Variants in ZNFX1 observed in about 807,000 individuals in gnomAD.
The protein encoded by ZNFX1 is zinc finger NFX1-type containing 1, also known as NFX1-type zinc finger-containing protein 1.
ZNFX1 carries 78 observed loss-of-function variants against 179.8 expected under a neutral mutation model. That is an observed-to-expected ratio of 0.43 (90% confidence interval 0.36 to 0.52). The LOEUF is 0.52. Among genes scored for constraint, ZNFX1 ranks in the 20% least tolerant of loss-of-function variants. The pLI is 0.00. For missense variants in ZNFX1, 1,927 were observed against 2,386.6 expected, an observed-to-expected ratio of 0.81 and a Z score of 4.01; for synonymous variants, 848 against 868.5, an observed-to-expected ratio of 0.98 and a Z score of 0.42.
At chr20:49,271,976 A>G (rs1257577164) in intron 2 of ZNFX1, among the ~76,000 whole-genome samples, 1 of 152,208 alleles carries the variant, frequency 6.6e-6, no homozygotes, top group Non-Finnish European at 1.5e-5. Context: ...GGGAAAAGGA[A>G]TAAACAGTTA....
chr20:49,248,106 G>C lies in ZNFX1; in HGVS notation c.4918C>G (p.Leu1640Val). 6.2e-7 allele frequency: 1 copy of C among 1,614,158 alleles called. No individual in the cohort carries two copies. The highest frequency in any genetic ancestry group is 8.5e-7 in the Non-Finnish European group (1 of 1,180,036). ...LRYGTSIKQR[L>V]EEIEIIKEKI... is the part of the protein sequence containing the mutation. ...TCCTTGATGATTTCAATCTCTTCTAGCCGCTGTTTTATGCTAGTTCCATAC... is the reference window on the plus strand; with the variant it reads ...TCCTTGATGATTTCAATCTCTTCTACCCGCTGTTTTATGCTAGTTCCATAC... The change falls in exon 14 of 14, where the codon CTA becomes GTA. Residue 1640 changes from leucine to valine, a missense_variant. Leu to Val is a conservative substitution (Grantham distance 32). Transcript: ENST00000396105. This position sits in a 1 kb window ranked among gnomAD's most constrained non-coding sequence, Gnocchi z 4.6.
chr20:49,270,826 T>C lies in ZNFX1; in HGVS notation c.986A>G (p.His329Arg), dbSNP rs372073442. 3.8e-5 allele frequency: 62 copies of C among 1,614,058 alleles called. No homozygotes were observed. The highest frequency in any genetic ancestry group is 2.0e-5 in the Non-Finnish European group (24 of 1,180,024). Residue 329 changes from histidine to arginine, a missense_variant, in exon 3 of 14, where the codon CAT becomes CGT. His to Arg is a conservative substitution (Grantham distance 29, BLOSUM62 0). Transcript: ENST00000396105. The surrounding 1 kb of genome is among the most constrained non-coding windows in gnomAD (Gnocchi z 4.6). Reference protein sequence around the residue: ...YTLVQPEAEDHVESYRTMPIY... With the variant: ...YTLVQPEAEDRVESYRTMPIY... Reference sequence around the variant, plus strand: ...GGGCATGGTTCGGTAGCTCTCAACATGGTCTTCTGCCTCAGGCTGCACTAG... The same window carrying C: ...GGGCATGGTTCGGTAGCTCTCAACACGGTCTTCTGCCTCAGGCTGCACTAG...
At position 49,247,472 on chromosome 20, in the gene ZNFX1, T is replaced by C. The variant is rs1600982203; in HGVS notation, c.5552A>G (p.Asn1851Ser). The C allele has an allele frequency of 1.2e-6, 2 of 1,614,232 alleles. No homozygotes were observed. The highest frequency in any genetic ancestry group is 1.7e-6 in the Non-Finnish European group (2 of 1,180,032). The change falls in exon 14 of 14, where the codon AAT becomes AGT. Residue 1851 changes from asparagine (N) to serine (S), a missense_variant. Physicochemically the swap from Asn to Ser is conservative, Grantham distance 46. Coordinates refer to ENST00000396105, the MANE Select transcript of ZNFX1 (RefSeq NM_021035.3). ...YPRGHWFKCR[N>S]GHIYVIGDCG... ...ATCGCCAATCACATAGATATGGCCA[T>C]TGCGGCACTTGAACCAGTGACCACG...
rs776692138 is a variant in ZNFX1, at chr20:49,248,176, C to T, written c.4848G>A (p.Leu1616=). 3 of 1,614,190 alleles carry T rather than the reference C, an allele frequency of 1.9e-6. No homozygotes were observed. Among genetic ancestry groups the T allele is most frequent in the South Asian group, 2.2e-5 (2 of 91,084 alleles). Residue 1616 remains leucine (L), a synonymous_variant, in exon 14 of 14, where the codon TTG becomes TTA. Coordinates refer to ENST00000396105, the MANE Select transcript of ZNFX1 (RefSeq NM_021035.3). This position sits in a 1 kb window ranked among gnomAD's most constrained non-coding sequence, Gnocchi z 4.6. The stretch of plus-strand genomic sequence containing the variant: ...GCACCTGGCAGATAGGGCAGACTTT[C>T]AATCTGATGGCGACTTCATCATCCT... ...EQKDDEVAIR[L]KVCPICQVPI...
intron 3 of ZNFX1, among the ~76,000 whole-genome samples, chr20:49,269,729 T>C (rs1307127456): frequency 1.3e-5 from 2 of 151,686 alleles, no homozygotes; most frequent in Non-Finnish European, 1.5e-5. Context: ...ACTATGCTCA[T>C]TACCTGGATG....
intron 3 of ZNFX1, among the ~76,000 whole-genome samples, chr20:49,269,035 T>C (rs1981313327): frequency 6.6e-6 from 1 of 152,158 alleles, no homozygotes; most frequent in African/African-American, 2.4e-5. Flanking sequence ...TAAATCATTC[T>C]CCCATAAAGA....
chr20:49,277,451 T>G, intron 1 of ZNFX1, among the ~76,000 whole-genome samples: 1 of 130,412 alleles, frequency 7.7e-6, no homozygotes, highest in African/African-American at 3.0e-5. Flanking sequence ...GGTGCCGAGG[T>G]GCTCTGTAGA....
At position 49,270,319 on chromosome 20, in the gene ZNFX1, T is replaced by C. The variant is rs746349420; in HGVS notation, c.1493A>G (p.Gln498Arg). The change falls in exon 3 of 14, where the codon CAG becomes CGG. Residue 498 changes from glutamine to arginine, a missense_variant. Coordinates refer to ENST00000396105, the MANE Select transcript of ZNFX1 (RefSeq NM_021035.3). The surrounding 1 kb of genome is among the most constrained non-coding windows in gnomAD (Gnocchi z 4.6). ...TACCATGAGGAAAGAGTCAGAGGGC[T>C]GGACCTCTGCTAGCAGCTGTTGGCT... ...EQSQQLLAEV[Q>R]PSDSFLMVET... 3.1e-6 allele frequency: 5 copies of C among 1,614,030 alleles called. No homozygotes were observed. The Admixed American group carries it at 6.7e-5, about 22-fold the overall frequency.
chr20:49,272,006 T>C (rs549105959), intron 2 of ZNFX1, among the ~76,000 whole-genome samples: 9 of 152,310 alleles, frequency 5.9e-5, no homozygotes, highest in African/African-American at 2.2e-4. Flanking sequence ...TGATGTGTGT[T>C]AGAGAATAAA....
chr20:49,262,065 G>A (rs1485324990), intron 6 of ZNFX1, among the ~76,000 whole-genome samples: 1 of 151,466 alleles, frequency 6.6e-6, no homozygotes, highest in Non-Finnish European at 1.5e-5. Flanking sequence ...TTCAGAGGCT[G>A]TGAACTGGCA....
Position 49,248,989 on chromosome 20 carries a change from C to T in ZNFX1, c.4035G>A (p.Gln1345=). 6.2e-7 allele frequency: 1 copy of T among 1,614,232 alleles called. No individual in the cohort carries two copies. Among genetic ancestry groups the T allele is most frequent in the South Asian group, 1.1e-5 (1 of 91,080 alleles). Residue 1345 remains glutamine, a synonymous_variant, in exon 14 of 14, where the codon CAG becomes CAA. Transcript: ENST00000396105. This position sits in a 1 kb window ranked among gnomAD's most constrained non-coding sequence, Gnocchi z 4.6. ...LVCFQECQPC[Q]VKVPKTIPRC... is the part of the protein sequence containing the mutation. The stretch of plus-strand genomic sequence containing the variant: ...GAGGAATGGTTTTGGGCACCTTCAC[C>T]TGACAAGGCTGACACTCCTGGAAGC...
intron 6 of ZNFX1, among the ~76,000 whole-genome samples, chr20:49,262,317 A>C (rs1035991542): frequency 4.6e-5 from 7 of 151,642 alleles, no homozygotes; most frequent in African/African-American, 9.7e-5. Context: ...AAGGTAAGAG[A>C]ATCGCTTGAA....
chr20:49,251,106 C>G (rs1019744655), intron 13 of ZNFX1, among the ~76,000 whole-genome samples: 10 of 152,024 alleles, frequency 6.6e-5, no homozygotes, highest in Admixed American at 4.6e-4. Flanking sequence ...CAGTAACCAG[C>G]TTTTAAAAAG....
Position 49,247,492 on chromosome 20 carries a change from A to C in ZNFX1, c.5532T>G (p.Gly1844=), listed in dbSNP as rs749241492. 6.2e-7 allele frequency: 1 copy of C among 1,614,186 alleles called. No individual in the cohort carries two copies. Among genetic ancestry groups the C allele is most frequent in the Non-Finnish European group, 8.5e-7 (1 of 1,180,030 alleles). ...QIVSAIGYPR[G]HWFKCRNGHI... The stretch of plus-strand genomic sequence containing the variant: ...GGCCATTGCGGCACTTGAACCAGTG[A>C]CCACGAGGATAACCTATGGCACTGA... Residue 1844 remains glycine, a synonymous_variant, in exon 14 of 14, where the codon GGT becomes GGG. Coordinates refer to ENST00000396105, the MANE Select transcript of ZNFX1 (RefSeq NM_021035.3).
chr20:49,270,828 G>C lies in ZNFX1; in HGVS notation c.984C>G (p.Asp328Glu), dbSNP rs756262653. The C allele has an allele frequency of 1.2e-6, 2 of 1,614,126 alleles. No individual in the cohort carries two copies. Among genetic ancestry groups the C allele is most frequent in the South Asian group, 2.2e-5 (2 of 91,076 alleles). The change falls in exon 3 of 14, where the codon GAC (aspartate) becomes GAG (glutamate). Residue 328 changes from aspartate (D) to glutamate (E), a missense_variant. Coordinates refer to ENST00000396105, the MANE Select transcript of ZNFX1 (RefSeq NM_021035.3). This position sits in a 1 kb window ranked among gnomAD's most constrained non-coding sequence, Gnocchi z 4.6. ...TYTLVQPEAE[D>E]HVESYRTMPI... is the part of the protein sequence containing the mutation. ...GCATGGTTCGGTAGCTCTCAACATGGTCTTCTGCCTCAGGCTGCACTAGAG... is the reference window on the plus strand; with the variant it reads ...GCATGGTTCGGTAGCTCTCAACATGCTCTTCTGCCTCAGGCTGCACTAGAG...
intron 3 of ZNFX1, among the ~76,000 whole-genome samples, chr20:49,268,747 T>C (rs918064987): frequency 2.0e-5 from 3 of 152,084 alleles, no homozygotes; most frequent in African/African-American, 7.2e-5. Context: ...ATGCTCAACA[T>C]CAACATCACT....
intron 13 of ZNFX1, among the ~76,000 whole-genome samples, chr20:49,249,968 A>C (rs554812057): frequency 7.4e-4 from 113 of 152,254 alleles, no homozygotes; most frequent in African/African-American, 2.7e-3. Flanking sequence ...ATATTTAAAA[A>C]AGCTGGCTGG....
At chr20:49,274,741 A>G (rs1981508404) in intron 2 of ZNFX1, among the ~76,000 whole-genome samples, 1 of 152,176 alleles carries the variant, frequency 6.6e-6, no homozygotes, top group Non-Finnish European at 1.5e-5. Context: ...CCTGGGCAAC[A>G]GAGCGAGACT....
In ZNFX1 at chr20:49,271,093, T is replaced by C. The variant is rs1488672015; in HGVS notation, c.719A>G (p.Tyr240Cys). Residue 240 changes from tyrosine (Y) to cysteine (C), a missense_variant, in exon 3 of 14, where the codon TAT (tyrosine) becomes TGT (cysteine). Coordinates refer to ENST00000396105, the MANE Select transcript of ZNFX1 (RefSeq NM_021035.3). ...TEPIPDIRNQYPEHISNIISL... is the reference protein window; with the variant it reads ...TEPIPDIRNQCPEHISNIISL... ...GATGATGTTGCTTATGTGCTCTGGA[T>C]ACTGGTTTCGGATGTCAGGGATGGG... 3 of 1,614,056 alleles carry C rather than the reference T, an allele frequency of 1.9e-6. No individual in the cohort carries two copies. Among genetic ancestry groups the C allele is most frequent in the Non-Finnish European group, 2.5e-6 (3 of 1,180,030 alleles).
Sources: gnomAD v4.1 joint callset for allele counts (sites outside exome capture counted in the v4.1 genomes callset) on GRCh38, gnomAD v4.1.1 for gene constraint, Gnocchi (gnomAD v3.1) non-coding constraint, MANE v1.5 for transcripts, NCBI Gene and HGNC (gene_info 2026-07-23, HGNC 2026-07-21) for gene names.